The following FYN variants were observed in gnomAD, a reference collection of about 807,000 sequenced individuals.
The protein encoded by FYN is FYN proto-oncogene, Src family tyrosine kinase, also known as tyrosine-protein kinase Fyn.
A neutral mutation model predicts 70.2 loss-of-function variants in FYN; 10 were observed. The ratio of observed to expected loss-of-function variants is 0.14; its 90% CI spans 0.09 to 0.24. FYN has a LOEUF of 0.24. FYN is among the 10% of genes least tolerant of loss of function. FYN has a pLI of 1.00. For synonymous variants in FYN, 236 were observed against 248.6 expected, an observed-to-expected ratio of 0.95 and a Z score of 0.48; for missense variants, 319 against 673.1, an observed-to-expected ratio of 0.47 and a Z score of 5.82.
In FYN at chr6:111,674,695, G is replaced by A. The variant is rs2128411000; in HGVS notation, c.1274-65C>T. 5 of 1,544,826 alleles carry A rather than the reference G, an allele frequency of 3.2e-6. No individual in the cohort carries two copies. In the Admixed American group the frequency reaches 9.1e-5, roughly 28 times the overall value. Reference sequence around the variant, plus strand: ...ACTGCAATGGGCATGGGGTGTGGGAGGGAAAGGCACTTGGCAAGCTACTTT... The same window carrying A: ...ACTGCAATGGGCATGGGGTGTGGGAAGGAAAGGCACTTGGCAAGCTACTTT... On this transcript the variant is annotated intron_variant, in intron 12 of 13. Coordinates refer to ENST00000354650, the MANE Select transcript of FYN (RefSeq NM_002037.5).
intron 3 of FYN, among the ~76,000 whole-genome samples, chr6:111,780,273 C>T (rs1771124234): frequency 6.6e-6 from 1 of 152,158 alleles, no homozygotes; most frequent in Non-Finnish European, 1.5e-5. Flanking sequence ...TATTATATGG[C>T]TGGCTTAGCA....
intron 3 of FYN, among the ~76,000 whole-genome samples, chr6:111,750,711 C>G (rs1802446129): frequency 7.1e-6 from 1 of 141,558 alleles, no homozygotes; most frequent in Non-Finnish European, 1.5e-5. Flanking sequence ...CAGTACAATT[C>G]ATGTCATTTT....
chr6:111,784,521 C>T (rs1452817926), intron 2 of FYN, among the ~76,000 whole-genome samples: 1 of 152,214 alleles, frequency 6.6e-6, no homozygotes, highest in African/African-American at 2.4e-5. Flanking sequence ...CTTTCTAAAT[C>T]AGCCAGTCTA....
At chr6:111,829,133 A>T (rs1772931301) in intron 2 of FYN, among the ~76,000 whole-genome samples, 1 of 152,212 alleles carries the variant, frequency 6.6e-6, no homozygotes, top group Non-Finnish European at 1.5e-5. Context: ...GAAAACATGA[A>T]ATCCTATTTT....
intron 3 of FYN, among the ~76,000 whole-genome samples, chr6:111,777,491 C>T (rs930403722): frequency 1.3e-5 from 2 of 152,026 alleles, no homozygotes; most frequent in African/African-American, 4.8e-5. Flanking sequence ...CACGAGTGTG[C>T]GTTACTGATC....
chr6:111,766,004 C>T (rs539114709), intron 3 of FYN, among the ~76,000 whole-genome samples: 2 of 152,176 alleles, frequency 1.3e-5, no homozygotes, highest in African/African-American at 2.4e-5. Flanking sequence ...GGTGTTTAGG[C>T]CTTTCTTGGG....
chr6:111,698,827 G>A (rs1799695624), intron 9 of FYN, among the ~76,000 whole-genome samples: 1 of 152,186 alleles, frequency 6.6e-6, no homozygotes, highest in African/African-American at 2.4e-5. Flanking sequence ...GCTCACGCCT[G>A]TAATCCCAGC....
chr6:111,677,578 T>C (rs1798590046), intron 12 of FYN, among the ~76,000 whole-genome samples: 7 of 152,216 alleles, frequency 4.6e-5, no homozygotes, highest in Admixed American at 4.6e-4. Flanking sequence ...TAAGGTTGTG[T>C]AGTACATAAC....
chr6:111,677,347 G>T (rs1798575759), intron 12 of FYN, among the ~76,000 whole-genome samples: 1 of 152,182 alleles, frequency 6.6e-6, no homozygotes, highest in South Asian at 2.1e-4. Context: ...ATTAACTGAG[G>T]TTTCTACTGA....
chr6:111,738,704 A>C (rs1801813744), intron 3 of FYN, among the ~76,000 whole-genome samples: 1 of 151,994 alleles, frequency 6.6e-6, no homozygotes, highest in Non-Finnish European at 1.5e-5. Context: ...CAACACAAAG[A>C]CCTAAAGTGC....
At chr6:111,851,027 AACT>A (rs149406070) in intron 1 of FYN, among the ~76,000 whole-genome samples, 2,473 of 152,350 alleles carry the variant, frequency 0.016, 59 homozygotes, top group African/African-American at 0.057. Flanking sequence ...CAGCAACTGC[AACT>A]TCTTCTCCTG....
In FYN at chr6:111,694,621, G is replaced by A; in HGVS notation, c.1119+7C>T. 2 of 1,613,844 alleles carry A rather than the reference G, an allele frequency of 1.2e-6. No homozygotes were observed. Among genetic ancestry groups the A allele is most frequent in the South Asian group, 1.1e-5 (1 of 91,028 alleles). On this transcript the variant is annotated splice_region_variant and intron_variant, in intron 11 of 13. Coordinates refer to ENST00000354650, the MANE Select transcript of FYN (RefSeq NM_002037.5). This position sits in a 1 kb window ranked among gnomAD's most constrained non-coding sequence, Gnocchi z 5.0. The stretch of plus-strand genomic sequence containing the variant: ...TATGGCACATCAAGTTACCCTGCAG[G>A]GCCTACCTGTGCTGCCATGTCCACA...
At chr6:111,691,984 C>T (rs769284579) in intron 12 of FYN, among the ~76,000 whole-genome samples, 6 of 152,092 alleles carry the variant, frequency 3.9e-5, no homozygotes, top group Non-Finnish European at 5.9e-5. Flanking sequence ...TCCTCTCAGG[C>T]CTGGCACTTG....
At chr6:111,687,401 G>A (rs1799053896) in intron 12 of FYN, among the ~76,000 whole-genome samples, 1 of 152,062 alleles carries the variant, frequency 6.6e-6, no homozygotes, top group African/African-American at 2.4e-5. Context: ...TTTATTTACA[G>A]TCCAAAGATC....
intron 2 of FYN, among the ~76,000 whole-genome samples, chr6:111,837,885 C>T (rs1773239522): frequency 6.6e-6 from 1 of 152,202 alleles, no homozygotes; most frequent in Non-Finnish European, 1.5e-5. Context: ...TATGCAAATG[C>T]ACAAATTGCT....
intron 13 of FYN, among the ~76,000 whole-genome samples, chr6:111,672,205 G>A (rs918286421): frequency 1.3e-5 from 2 of 152,116 alleles, no homozygotes; most frequent in South Asian, 2.1e-4. Flanking sequence ...GCCTTCCCAC[G>A]TGCCAGACCT....
intron 3 of FYN, among the ~76,000 whole-genome samples, chr6:111,771,699 G>A (rs1803458535): frequency 6.6e-6 from 1 of 152,224 alleles, no homozygotes; most frequent in African/African-American, 2.4e-5. Context: ...CTGGCAACTG[G>A]GCTGGTGAGT....
intron 12 of FYN, among the ~76,000 whole-genome samples, chr6:111,685,836 C>T (rs1039099929): frequency 6.6e-6 from 1 of 152,136 alleles, no homozygotes; most frequent in African/African-American, 2.4e-5. Flanking sequence ...GAAAGAGATG[C>T]TCACACAGAA....
At chr6:111,673,168 TC>T (rs528773072) in intron 13 of FYN, among the ~76,000 whole-genome samples, 1 of 151,840 alleles carries the variant, frequency 6.6e-6, no homozygotes, top group African/African-American at 2.4e-5. Flanking sequence ...CCCGCACATT[TC>T]CCCCCTTGAG....
Sources: gnomAD v4.1 joint callset for allele counts (sites outside exome capture counted in the v4.1 genomes callset) on GRCh38, gnomAD v4.1.1 for gene constraint, Gnocchi (gnomAD v3.1) non-coding constraint, MANE v1.5 for transcripts, NCBI Gene and HGNC (gene_info 2026-07-23, HGNC 2026-07-21) for gene names.